Variants in HS6ST3 observed in about 807,000 individuals in gnomAD.
The protein encoded by HS6ST3 is heparan sulfate 6-O-sulfotransferase 3.
Under a neutral mutation model 36.7 loss-of-function variants are expected in HS6ST3, and 12 were observed. The ratio of observed to expected loss-of-function variants is 0.33; its 90% CI spans 0.21 to 0.53. The LOEUF is 0.53. HS6ST3 is among the 20% of genes least tolerant of loss of function. The pLI is 0.95. For missense variants in HS6ST3, 584 were observed against 640.9 expected, an observed-to-expected ratio of 0.91 and a Z score of 0.96; for synonymous variants, 240 against 257.5, an observed-to-expected ratio of 0.93 and a Z score of 0.65.
At chr13:96,439,895 T>A (rs2055662129) in intron 1 of HS6ST3, among the ~76,000 whole-genome samples, 1 of 152,230 alleles carries the variant, frequency 6.6e-6, no homozygotes, top group Admixed American at 6.5e-5. Context: ...TTTTGGGTAG[T>A]CACTGGTCAA....
chr13:96,703,316 G>C (rs1450152694), intron 1 of HS6ST3, among the ~76,000 whole-genome samples: 2 of 152,154 alleles, frequency 1.3e-5, no homozygotes, highest in Non-Finnish European at 2.9e-5. Context: ...TTTAACAAAT[G>C]GCACTGAGAA....
At chr13:96,154,936 T>C (rs1330624866) in intron 1 of HS6ST3, among the ~76,000 whole-genome samples, 1 of 152,080 alleles carries the variant, frequency 6.6e-6, no homozygotes, top group Non-Finnish European at 1.5e-5. Context: ...AAATTAAAGC[T>C]AAGAATATAA....
chr13:96,326,707 C>T (rs1366422393), intron 1 of HS6ST3, among the ~76,000 whole-genome samples: 2 of 152,116 alleles, frequency 1.3e-5, no homozygotes, highest in Non-Finnish European at 2.9e-5. Flanking sequence ...AATGGGATGG[C>T]TGGGTCAAAT....
chr13:96,622,228 A>G (rs564569390), intron 1 of HS6ST3, among the ~76,000 whole-genome samples: 56 of 152,032 alleles, frequency 3.7e-4, no homozygotes, highest in African/African-American at 1.2e-3. Flanking sequence ...AAAAAAAAAC[A>G]AAGTTTTTGA....
chr13:96,120,178 C>T (rs1307381912), intron 1 of HS6ST3, among the ~76,000 whole-genome samples: 1 of 152,188 alleles, frequency 6.6e-6, no homozygotes, highest in East Asian at 1.9e-4. Context: ...GGCAAAGATT[C>T]CTGGCAGCCC....
intron 1 of HS6ST3, among the ~76,000 whole-genome samples, chr13:96,449,117 A>G (rs534809608): frequency 2.0e-5 from 3 of 152,146 alleles, no homozygotes; most frequent in East Asian, 3.9e-4. Flanking sequence ...GCGTGCCACC[A>G]TACCCGGCTA....
chr13:96,337,201 T>C (rs979334612), intron 1 of HS6ST3, among the ~76,000 whole-genome samples: 1 of 152,040 alleles, frequency 6.6e-6, no homozygotes, highest in Non-Finnish European at 1.5e-5. Flanking sequence ...AATTTAGCTG[T>C]GACTATAGGC....
chr13:96,269,873 G>A (rs939665203), intron 1 of HS6ST3, among the ~76,000 whole-genome samples: 2 of 151,852 alleles, frequency 1.3e-5, no homozygotes, highest in Non-Finnish European at 2.9e-5. Context: ...TCTTTTCGTT[G>A]AGCCCAGCTT....
chr13:96,313,184 C>T (rs2054950453), intron 1 of HS6ST3, among the ~76,000 whole-genome samples: 1 of 151,950 alleles, frequency 6.6e-6, no homozygotes, highest in Non-Finnish European at 1.5e-5. Flanking sequence ...GGATTGAGAG[C>T]CTGCTTCCCA....
At chr13:96,625,485 A>G (rs978234351) in intron 1 of HS6ST3, among the ~76,000 whole-genome samples, 14 of 152,310 alleles carry the variant, frequency 9.2e-5, no homozygotes, top group African/African-American at 3.4e-4. Flanking sequence ...TGACAGTCTT[A>G]TGTGAAAATT....
chr13:96,368,906 CTCTT>C (rs2055276316), intron 1 of HS6ST3, among the ~76,000 whole-genome samples: 4 of 152,118 alleles, frequency 2.6e-5, no homozygotes, highest in South Asian at 2.1e-4. Flanking sequence ...TTCCTAATCC[CTCTT>C]TCTTTGTGTA....
intron 1 of HS6ST3, among the ~76,000 whole-genome samples, chr13:96,299,007 G>T (rs946832231): frequency 4.4e-4 from 67 of 152,270 alleles, no homozygotes; most frequent in African/African-American, 1.6e-3. Flanking sequence ...GAAGTTTAAA[G>T]GTACCCTGTT....
intron 1 of HS6ST3, among the ~76,000 whole-genome samples, chr13:96,727,989 C>A (rs1014213489): frequency 6.6e-6 from 1 of 152,138 alleles, no homozygotes; most frequent in Non-Finnish European, 1.5e-5. Context: ...CCTTTTAGTC[C>A]TCATCGTAGC....
chr13:96,327,865 GT>G (rs1366924174), intron 1 of HS6ST3, among the ~76,000 whole-genome samples: 1 of 146,904 alleles, frequency 6.8e-6, no homozygotes, highest in Admixed American at 6.7e-5. Flanking sequence ...TTGAGCAGTG[GT>G]TTGTAGTTCT....
intron 1 of HS6ST3, among the ~76,000 whole-genome samples, chr13:96,384,754 A>G (rs1023756044): frequency 9.9e-5 from 15 of 152,158 alleles, no homozygotes; most frequent in Admixed American, 9.2e-4. Flanking sequence ...TACCAAACCT[A>G]TGGGTAAGGG....
At chr13:96,329,487 C>A (rs896793144) in intron 1 of HS6ST3, among the ~76,000 whole-genome samples, 7 of 147,822 alleles carry the variant, frequency 4.7e-5, no homozygotes, top group African/African-American at 1.8e-4. Context: ...TGTAGTTGAC[C>A]GGTTTTGAGT....
At chr13:96,832,339 A>T (rs1431315451) in intron 1 of HS6ST3, 151 bp from the exon 2 acceptor site, 1 of 594,130 alleles carries the variant, frequency 1.7e-6, no homozygotes, top group East Asian at 2.9e-5. Context: ...ACATATGCAC[A>T]TGCATCAATA....
At chr13:96,716,785 C>T (rs1875707358) in intron 1 of HS6ST3, among the ~76,000 whole-genome samples, 1 of 152,088 alleles carries the variant, frequency 6.6e-6, no homozygotes, top group Admixed American at 6.6e-5. Context: ...AAGTGGTTTT[C>T]AGACTTTTAA....
chr13:96,312,611 T>C (rs756875025), intron 1 of HS6ST3, among the ~76,000 whole-genome samples: 2 of 152,160 alleles, frequency 1.3e-5, no homozygotes, highest in Non-Finnish European at 2.9e-5. Flanking sequence ...AATATGGCTT[T>C]ATTTATTTGG....
Sources: gnomAD v4.1 joint callset for allele counts (sites outside exome capture counted in the v4.1 genomes callset) on GRCh38, gnomAD v4.1.1 for gene constraint, MANE v1.5 for transcripts, NCBI Gene and HGNC (gene_info 2026-07-23, HGNC 2026-07-21) for gene names.